The following TLL1 variants were observed in gnomAD, a reference collection of about 807,000 sequenced individuals.
TLL1 encodes tolloid-like protein 1.
In TLL1, 49 loss-of-function variants were observed where a neutral mutation model predicts 128.2. The observed-to-expected ratio is 0.38, with a 90% CI of 0.30 to 0.48. The LOEUF is 0.48. TLL1 is among the 20% of genes least tolerant of loss of function. The pLI is 0.96. For missense variants in TLL1, 1,123 were observed against 1,242.0 expected (o/e 0.90, Z 1.44); for synonymous variants, 454 against 418.8 (o/e 1.08, Z -1.03).
chr4:165,910,843 T>C (rs1732495895), intron 1 of TLL1, among the ~76,000 whole-genome samples: 1 of 152,198 alleles, frequency 6.6e-6, no homozygotes, highest in South Asian at 2.1e-4. Flanking sequence ...TGCCCATGAT[T>C]ATATAGCTGC....
intron 1 of TLL1, among the ~76,000 whole-genome samples, chr4:165,896,959 G>A (rs1731710420): frequency 6.6e-6 from 1 of 152,102 alleles, no homozygotes; most frequent in African/African-American, 2.4e-5. Flanking sequence ...GATGTGAGAT[G>A]GTATCTCATT....
intron 8 of TLL1, among the ~76,000 whole-genome samples, chr4:166,021,404 G>A (rs1478899433): frequency 6.7e-6 from 1 of 148,248 alleles, no homozygotes; most frequent in East Asian, 2.0e-4. Flanking sequence ...TACTCAATGA[G>A]TTCCTGGGTT....
intron 1 of TLL1, among the ~76,000 whole-genome samples, chr4:165,986,860 G>T (rs1167448865): frequency 1.3e-5 from 2 of 151,976 alleles, no homozygotes; most frequent in African/African-American, 4.8e-5. Context: ...TATGTGTACT[G>T]CTTTTATCTG....
intron 1 of TLL1, among the ~76,000 whole-genome samples, chr4:165,897,926 C>T (rs1474253452): frequency 6.6e-6 from 1 of 151,962 alleles, no homozygotes; most frequent in Non-Finnish European, 1.5e-5. Context: ...TTGTAGTTCT[C>T]CTTGAAGAGG....
intron 13 of TLL1, among the ~76,000 whole-genome samples, chr4:166,056,250 A>G (rs970761555): frequency 6.6e-6 from 1 of 152,208 alleles, no homozygotes; most frequent in Admixed American, 6.5e-5. Flanking sequence ...ATATTCATAT[A>G]TTTACTTATC....
rs951819686 is a variant in TLL1, at chr4:165,897,662, C to CTTTTTTTTTT, written c.169+23604_169+23613dup. ...TATAGTTTGAAGTCAGGTAGTCCAGCTTTTTTTTTTTTTTTTTTTTTTTTG... is the reference window on the plus strand; with the variant it reads ...TATAGTTTGAAGTCAGGTAGTCCAGCTTTTTTTTTTTTTTTTTTTTTTTTTTTTTTTTTTG... On this transcript the variant is annotated intron_variant, in intron 1 of 20. Coordinates refer to ENST00000061240, the MANE Select transcript of TLL1 (RefSeq NM_012464.5). Among the ~76,000 whole-genome samples, 180 of 47,554 alleles carry CTTTTTTTTTT rather than the reference C, an allele frequency of 3.8e-3. 11 individuals carry two copies. Among genetic ancestry groups the CTTTTTTTTTT allele is most frequent in the African/African-American group, 0.013 (147 of 11,158 alleles). The allele number at this position is 47,554 out of a possible 152,430, so 31.2% of individuals were successfully genotyped here.
chr4:166,018,529 G>A (rs1738059730), intron 8 of TLL1, among the ~76,000 whole-genome samples: 1 of 152,078 alleles, frequency 6.6e-6, no homozygotes, highest in Non-Finnish European at 1.5e-5. Context: ...CCTACACAAT[G>A]AGAGAGAATA....
chr4:165,914,670 T>G (rs963931245), intron 1 of TLL1, among the ~76,000 whole-genome samples: 3 of 152,146 alleles, frequency 2.0e-5, no homozygotes, highest in Non-Finnish European at 2.9e-5. Context: ...CTAAGTCCCT[T>G]GGGGGTGACA....
chr4:165,896,248 C>A (rs1179686897), intron 1 of TLL1, among the ~76,000 whole-genome samples: 4 of 152,082 alleles, frequency 2.6e-5, no homozygotes, highest in African/African-American at 7.2e-5. Flanking sequence ...CATGTCCCTG[C>A]AAAGCACATG....
chr4:165,931,552 C>G (rs1162599933), intron 1 of TLL1, among the ~76,000 whole-genome samples: 1 of 151,632 alleles, frequency 6.6e-6, no homozygotes, highest in Non-Finnish European at 1.5e-5. Context: ...CCCGTCTCTA[C>G]TAAAAATACA....
chr4:166,050,225 C>A (rs192769429), intron 12 of TLL1, among the ~76,000 whole-genome samples: 1 of 151,308 alleles, frequency 6.6e-6, no homozygotes, highest in African/African-American at 2.4e-5. Context: ...CCCCTAATTC[C>A]TTATGGCAAC....
chr4:166,059,747 A>T (rs1485415782), intron 14 of TLL1, among the ~76,000 whole-genome samples: 1 of 151,902 alleles, frequency 6.6e-6, no homozygotes, highest in African/African-American at 2.4e-5. Flanking sequence ...TAGATTTTTA[A>T]TTTTTTTTAA....
rs368479828 is a variant in TLL1 at position 165,923,315 on chromosome 4, G to A, written c.169+49242G>A. ...GTAAGAGATTATCAACATTTTATCT[G>A]TCAAATATTTAAATATTTGACAAAT... On this transcript the variant is annotated intron_variant, in intron 1 of 20. Coordinates refer to ENST00000061240, the MANE Select transcript of TLL1 (RefSeq NM_012464.5). 8.8e-5 allele frequency among the ~76,000 whole-genome samples: 13 copies of A among 147,904 alleles called. No individual in the cohort carries two copies. In the East Asian group the frequency reaches 2.4e-3, roughly 27 times the overall value.
At chr4:166,100,474 A>G (rs1195991083) in intron 20 of TLL1, among the ~76,000 whole-genome samples, 2 of 152,084 alleles carry the variant, frequency 1.3e-5, no homozygotes, top group Non-Finnish European at 2.9e-5. Context: ...CTAGAGAGAA[A>G]AGTGCCCAGA....
In TLL1 at chr4:166,065,745, C is replaced by T; in HGVS notation, c.2070C>T (p.Gly690=). The part of the protein sequence containing the change: ...SGLSSESKLH[G]KFCGAEVPEV... ...TTTCCTCTGAGTCTAAACTGCATGG[C>T]AAATTCTGTGGCGCTGAAGTGCCTG... The change falls in exon 16 of 21, where the codon GGC becomes GGT. Residue 690 remains glycine, a synonymous_variant. Transcript: ENST00000061240. 6.2e-7 allele frequency: 1 copy of T among 1,613,024 alleles called. No homozygotes were observed. Among genetic ancestry groups the T allele is most frequent in the Non-Finnish European group, 8.5e-7 (1 of 1,179,390 alleles).
intron 14 of TLL1, among the ~76,000 whole-genome samples, chr4:166,059,062 T>C (rs11730398): frequency 0.44 from 66,291 of 151,942 alleles, 15,795 homozygotes; most frequent in African/African-American, 0.64. Context: ...ACATTGTATA[T>C]GAGACAATCA....
In TLL1 at chr4:166,043,294, C is replaced by T. The variant is rs777905713; in HGVS notation, c.1399C>T (p.Arg467Cys). Reference protein sequence around the residue: ...VYEAICGGEIRKNEGQIQSPN... With the variant: ...VYEAICGGEICKNEGQIQSPN... ...TTCAGCGATCTGTGGAGGTGAGATA[C>T]GTAAAAATGAAGGACAGATTCAGTC... The change falls in exon 12 of 21, where the codon CGT becomes TGT. Residue 467 changes from arginine to cysteine, a missense_variant. Arg to Cys is a radical substitution (Grantham distance 180). This residue lies in a region of TLL1 where 634 missense variants were observed against 672.4 expected (regional missense o/e 0.94). Transcript: ENST00000061240. 4 of 1,613,958 alleles carry T rather than the reference C, an allele frequency of 2.5e-6. No individual in the cohort carries two copies. The highest frequency in any genetic ancestry group is 3.4e-6 in the Non-Finnish European group (4 of 1,179,956).
chr4:165,991,137 G>C (rs904292869), intron 2 of TLL1, among the ~76,000 whole-genome samples: 5 of 151,730 alleles, frequency 3.3e-5, no homozygotes, highest in African/African-American at 1.2e-4. Context: ...TATTTTGAAG[G>C]CATTGATTTT....
chr4:166,094,200 C>T (rs572779885), intron 19 of TLL1, among the ~76,000 whole-genome samples: 10 of 152,268 alleles, frequency 6.6e-5, no homozygotes, highest in African/African-American at 1.2e-4. Flanking sequence ...ATATTATCCT[C>T]ATTTTGCAGA....
Sources: gnomAD v4.1 joint callset for allele counts (sites outside exome capture counted in the v4.1 genomes callset) on GRCh38, gnomAD v4.1.1 for gene constraint, gnomAD v4.1.1 regional missense constraint, MANE v1.5 for transcripts, NCBI Gene and HGNC (gene_info 2026-07-23, HGNC 2026-07-21) for gene names.